The following WIPF3 variants were observed in gnomAD, a reference collection of about 807,000 sequenced individuals.
WIPF3 encodes WAS/WASL-interacting protein family member 3.
Under a neutral mutation model 38.9 loss-of-function variants are expected in WIPF3, and 33 were observed. That is an observed-to-expected ratio of 0.85 (90% CI 0.64 to 1.14). WIPF3 has a LOEUF of 1.14. WIPF3 is among the 50% of genes most tolerant of loss of function. The probability of loss-of-function intolerance (pLI) is 0.00; values close to 1 mark genes in which losing one functional copy is unlikely to be tolerated. For synonymous variants in WIPF3, 324 were observed against 269.3 expected (o/e 1.20, Z -1.99); for missense variants, 711 against 652.5 (o/e 1.09, Z -0.98).
Position 29,914,540 on chromosome 7 carries a change from T to G in WIPF3, c.*24T>G. ...GAGAAGACAGATGAAGCGAAGGTCC[T>G]GGGGTTCCAGGTTGCAGAACAACAT... is the stretch of plus-strand genomic sequence containing the variant. On this transcript the variant is annotated 3_prime_UTR_variant, in exon 9 of 9. Transcript: ENST00000242140. 6.6e-7 allele frequency: 1 copy of G among 1,504,686 alleles called. No individual in the cohort carries two copies. The highest frequency in any genetic ancestry group is 1.3e-5 in the South Asian group (1 of 74,916). The allele number at this position is 1,504,686 out of a possible 1,614,324, so 93.2% of individuals were successfully genotyped here.
chr7:29,903,264 A>G (rs1215561658), intron 7 of WIPF3, among the ~76,000 whole-genome samples: 1 of 152,194 alleles, frequency 6.6e-6, no homozygotes, highest in Non-Finnish European at 1.5e-5. Flanking sequence ...ACTGCATTCC[A>G]GCCTGGGAGA....
chr7:29,830,322 C>T (rs1450216902), intron 1 of WIPF3, among the ~76,000 whole-genome samples: 3 of 151,702 alleles, frequency 2.0e-5, no homozygotes, highest in Non-Finnish European at 4.4e-5. Flanking sequence ...GTTTCTTTCA[C>T]TTAAGGGTCT....
chr7:29,897,112 T>C (rs1433920840), intron 7 of WIPF3, among the ~76,000 whole-genome samples: 2 of 152,200 alleles, frequency 1.3e-5, no homozygotes, highest in Non-Finnish European at 2.9e-5. Context: ...CTGGTTTATT[T>C]TACTTAGCTT....
At chr7:29,818,997 T>A (rs571904816) in intron 1 of WIPF3, among the ~76,000 whole-genome samples, 87 of 152,348 alleles carry the variant, frequency 5.7e-4, no homozygotes, top group African/African-American at 2.1e-3. Context: ...TGTTGCTGAA[T>A]TCTGTTCATT....
intron 7 of WIPF3, among the ~76,000 whole-genome samples, chr7:29,893,503 C>T (rs1230319143): frequency 6.6e-6 from 1 of 152,080 alleles, no homozygotes; most frequent in Non-Finnish European, 1.5e-5. Flanking sequence ...TTTAAGCTGC[C>T]AATGAACAGG....
intron 2 of WIPF3, among the ~76,000 whole-genome samples, chr7:29,869,573 T>C (rs952334806): frequency 6.6e-6 from 1 of 152,226 alleles, no homozygotes; most frequent in African/African-American, 2.4e-5. Flanking sequence ...CCTTTTGAAT[T>C]GCTAGTTATG....
intron 2 of WIPF3, among the ~76,000 whole-genome samples, chr7:29,861,083 G>A (rs1478930366): frequency 1.3e-5 from 2 of 152,096 alleles, no homozygotes; most frequent in African/African-American, 4.8e-5. Flanking sequence ...TATCTATGTC[G>A]CATAAATGCC....
intron 2 of WIPF3, among the ~76,000 whole-genome samples, chr7:29,862,385 G>A (rs1313564261): frequency 6.6e-6 from 1 of 152,196 alleles, no homozygotes; most frequent in Non-Finnish European, 1.5e-5. Context: ...GCCAGGAAAT[G>A]ATAAAAGGTC....
At chr7:29,810,891 T>C (rs1008663773) in intron 1 of WIPF3, among the ~76,000 whole-genome samples, 3 of 152,090 alleles carry the variant, frequency 2.0e-5, no homozygotes, top group Admixed American at 1.3e-4. Flanking sequence ...ATAGATTTAT[T>C]CTGTTTTTTT....
intron 2 of WIPF3, among the ~76,000 whole-genome samples, chr7:29,845,066 C>A (rs1296421674): frequency 6.7e-6 from 1 of 149,038 alleles, no homozygotes. Context: ...CATTGTTTTC[C>A]CCACTTGCTT....
chr7:29,884,110 C>T lies in WIPF3; in HGVS notation c.616C>T (p.Pro206Ser), dbSNP rs1370233905. 4 of 1,526,916 alleles carry T rather than the reference C, an allele frequency of 2.6e-6. No homozygotes were observed. Among genetic ancestry groups the T allele is most frequent in the Admixed American group, 4.1e-5 (2 of 49,040 alleles). The allele number at this position is 1,526,916 out of a possible 1,614,324, so 94.6% of individuals were successfully genotyped here. A position where few individuals can be genotyped will look rare whatever the true frequency, so the allele number is the denominator to read the frequency against. ...AACTCCGCTTGTGTCCCCACCCGGCCCACTGACCAAAGGGAACCTCCCGGT... is the reference window on the plus strand; with the variant it reads ...AACTCCGCTTGTGTCCCCACCCGGCTCACTGACCAAAGGGAACCTCCCGGT... ...IKTPLVSPPG[P>S]LTKGNLPVVA... The change falls in exon 5 of 9, where the codon CCA becomes TCA. Residue 206 changes from proline (P) to serine (S), a missense_variant. By Grantham distance (74) the Pro-to-Ser change is moderately conservative (BLOSUM62 -1). Coordinates refer to ENST00000242140, the MANE Select transcript of WIPF3 (RefSeq NM_001080529.3).
At chr7:29,902,338 A>T (rs1786304588) in intron 7 of WIPF3, among the ~76,000 whole-genome samples, 2 of 134,562 alleles carry the variant, frequency 1.5e-5, no homozygotes, top group Admixed American at 8.3e-5. Flanking sequence ...CAGTTACTAT[A>T]TATTTTGCTC....
At chr7:29,910,805 T>G in intron 8 of WIPF3, among the ~76,000 whole-genome samples, 1 of 152,002 alleles carries the variant, frequency 6.6e-6, no homozygotes, top group East Asian at 1.9e-4. Flanking sequence ...AAATCTACAG[T>G]GAACATGCCC....
chr7:29,885,592 C>T (rs941776330), intron 5 of WIPF3, among the ~76,000 whole-genome samples: 1 of 152,148 alleles, frequency 6.6e-6, no homozygotes, highest in Non-Finnish European at 1.5e-5. Context: ...ATGAAGATGG[C>T]TTGAGGTCAG....
chr7:29,906,189 A>G (rs1583630863), intron 8 of WIPF3: 1 of 152,162 alleles, frequency 6.6e-6, no homozygotes, highest in Non-Finnish European at 1.5e-5. Flanking sequence ...GGAAGAAAAA[A>G]AACAAATCAA....
chr7:29,815,611 C>T (rs1201993821), intron 1 of WIPF3, among the ~76,000 whole-genome samples: 1 of 152,158 alleles, frequency 6.6e-6, no homozygotes, highest in Non-Finnish European at 1.5e-5. Context: ...ACAGAGCCCC[C>T]ACGTGTTATT....
intron 1 of WIPF3, among the ~76,000 whole-genome samples, chr7:29,815,573 A>G (rs543655212): frequency 1.6e-4 from 24 of 152,272 alleles, no homozygotes; most frequent in African/African-American, 5.8e-4. Context: ...CATAGGATCT[A>G]GGGAGGCAGT....
intron 1 of WIPF3, among the ~76,000 whole-genome samples, chr7:29,825,962 C>A (rs573900455): frequency 6.6e-6 from 1 of 152,178 alleles, no homozygotes; most frequent in African/African-American, 2.4e-5. Flanking sequence ...TGTCAGAAAT[C>A]GTTCATGTCG....
chr7:29,895,598 G>A lies in WIPF3; in HGVS notation c.1351+6191G>A, dbSNP rs541873047. Among the ~76,000 whole-genome samples, 44 of 152,286 alleles carry A rather than the reference G, an allele frequency of 2.9e-4. 1 individual carries two copies. In the South Asian group the frequency reaches 7.7e-3, roughly 27 times the overall value. Reference sequence around the variant, plus strand: ...CTGGGTAATTTATAGGAAAAGAGGCGTAATTGGCTCACAGTTCTGCAGGCT... The same window carrying A: ...CTGGGTAATTTATAGGAAAAGAGGCATAATTGGCTCACAGTTCTGCAGGCT... On this transcript the variant is annotated intron_variant, in intron 7 of 8. Coordinates refer to ENST00000242140, the MANE Select transcript of WIPF3 (RefSeq NM_001080529.3).
Sources: gnomAD v4.1 joint callset for allele counts (sites outside exome capture counted in the v4.1 genomes callset) on GRCh38, gnomAD v4.1.1 for gene constraint, MANE v1.5 for transcripts, NCBI Gene and HGNC (gene_info 2026-07-23, HGNC 2026-07-21) for gene names.